Variants in EPM2A observed in about 807,000 individuals in gnomAD.
EPM2A encodes laforin.
EPM2A carries 21 observed loss-of-function variants against 26.5 expected under a neutral mutation model. The ratio of observed to expected loss-of-function variants is 0.79; its 90% confidence interval spans 0.56 to 1.14. The LOEUF is 1.14. EPM2A is among the 50% of genes most tolerant of loss of function. The pLI, the probability that EPM2A is intolerant of heterozygous loss-of-function variation, is 0.00. For synonymous variants in EPM2A, 217 were observed against 177.6 expected (o/e 1.22, Z -1.76); for missense variants, 458 against 440.8 (o/e 1.04, Z -0.35).
chr6:145,396,915 G>T (rs939689314), intron 4 of EPM2A, among the ~76,000 whole-genome samples: 1 of 152,148 alleles, frequency 6.6e-6, no homozygotes, highest in Non-Finnish European at 1.5e-5. Flanking sequence ...CATTTTACCA[G>T]TCAAGTACTG....
chr6:145,571,246 A>C (rs1447363301), intron 2 of EPM2A, among the ~76,000 whole-genome samples: 1 of 152,164 alleles, frequency 6.6e-6, no homozygotes, highest in Non-Finnish European at 1.5e-5. Flanking sequence ...ACTTAGCCCC[A>C]GTCCTGCAAA....
chr6:145,547,998 A>G (rs1210999555), intron 2 of EPM2A, among the ~76,000 whole-genome samples: 1 of 152,112 alleles, frequency 6.6e-6, no homozygotes, highest in Non-Finnish European at 1.5e-5. Context: ...TCCTTTTTCT[A>G]ATAAATGAGA....
intron 2 of EPM2A, among the ~76,000 whole-genome samples, chr6:145,654,319 C>T (rs719030): frequency 0.72 from 109,927 of 151,698 alleles, 40,357 homozygotes; most frequent in African/African-American, 0.82. Context: ...GTAGCTGGGA[C>T]TACAGGCATG....
intron 4 of EPM2A, among the ~76,000 whole-genome samples, chr6:145,488,921 T>C (rs769883479): frequency 4.6e-5 from 7 of 152,158 alleles, no homozygotes; most frequent in African/African-American, 1.2e-4. Flanking sequence ...TAACTCGTGG[T>C]TGTTATTATA....
intron 2 of EPM2A, among the ~76,000 whole-genome samples, chr6:145,657,824 T>C (rs1582984952): frequency 1.3e-5 from 2 of 152,330 alleles, no homozygotes; most frequent in East Asian, 3.9e-4. Flanking sequence ...TTTAAGACAG[T>C]AGAAGATTTA....
chr6:145,693,189 T>C (rs1781380901), intron 1 of EPM2A, among the ~76,000 whole-genome samples: 1 of 152,084 alleles, frequency 6.6e-6, no homozygotes, highest in South Asian at 2.1e-4. Flanking sequence ...TAAATGGGAT[T>C]TCATTCTTGA....
At chr6:145,431,029 C>T (rs1040983039) in intron 4 of EPM2A, among the ~76,000 whole-genome samples, 3 of 152,118 alleles carry the variant, frequency 2.0e-5, no homozygotes, top group South Asian at 4.1e-4. Flanking sequence ...TCTGGTTTCC[C>T]TTGGGCTGAT....
intron 4 of EPM2A, among the ~76,000 whole-genome samples, chr6:145,415,711 T>C (rs1778699245): frequency 1.3e-5 from 2 of 152,222 alleles, no homozygotes; most frequent in Admixed American, 1.3e-4. Context: ...TATCTTATCT[T>C]ATTCTAAAAA....
intron 1 of EPM2A, among the ~76,000 whole-genome samples, chr6:145,700,036 T>C (rs112542126): frequency 1.3e-5 from 2 of 152,256 alleles, no homozygotes; most frequent in East Asian, 1.9e-4. Flanking sequence ...ACCATCAAGA[T>C]TGAATTATTA....
At chr6:145,593,573 A>G (rs1781303096) in intron 2 of EPM2A, among the ~76,000 whole-genome samples, 1 of 152,080 alleles carries the variant, frequency 6.6e-6, no homozygotes, top group African/African-American at 2.4e-5. Flanking sequence ...TAAAAATTAT[A>G]TAAAGTATGT....
intron 4 of EPM2A, among the ~76,000 whole-genome samples, chr6:145,476,291 A>G (rs1779542285): frequency 6.6e-6 from 1 of 152,074 alleles, no homozygotes; most frequent in Non-Finnish European, 1.5e-5. Flanking sequence ...AGGAAATATC[A>G]TTAGAGCTAA....
intron 4 of EPM2A, among the ~76,000 whole-genome samples, chr6:145,494,187 C>T (rs1439907357): frequency 6.6e-6 from 1 of 152,162 alleles, no homozygotes; most frequent in African/African-American, 2.4e-5. Context: ...TACAGGGATT[C>T]AATTTCTTCC....
chr6:145,467,657 T>C (rs888438931), intron 4 of EPM2A, among the ~76,000 whole-genome samples: 1 of 152,184 alleles, frequency 6.6e-6, no homozygotes, highest in African/African-American at 2.4e-5. Flanking sequence ...TTATATGGGA[T>C]TGCATTAAAT....
At chr6:145,655,788 A>G (rs939280975) in intron 2 of EPM2A, among the ~76,000 whole-genome samples, 2 of 152,214 alleles carry the variant, frequency 1.3e-5, no homozygotes, top group Non-Finnish European at 2.9e-5. Flanking sequence ...AAAAGGGAAC[A>G]TAACAGAGCA....
chr6:145,494,406 C>T (rs1176157874), intron 4 of EPM2A, among the ~76,000 whole-genome samples: 1 of 151,844 alleles, frequency 6.6e-6, no homozygotes, highest in African/African-American at 2.4e-5. Context: ...AGTAGTCTAC[C>T]TATTTAATTA....
downstream of EPM2A, among the ~76,000 whole-genome samples, chr6:145,500,394 C>T (rs1317867004): frequency 2.0e-5 from 3 of 152,174 alleles, no homozygotes; most frequent in Non-Finnish European, 4.4e-5. Flanking sequence ...GGAAGTAGTA[C>T]CTTCAGCCTC....
chr6:145,470,875 C>G (rs1779464618), intron 4 of EPM2A, among the ~76,000 whole-genome samples: 1 of 152,138 alleles, frequency 6.6e-6, no homozygotes, highest in Admixed American at 6.6e-5. Flanking sequence ...ACCCCAAACT[C>G]AATGTCTTAA....
intron 2 of EPM2A, among the ~76,000 whole-genome samples, chr6:145,668,403 G>A (rs2128596345): frequency 6.6e-6 from 1 of 152,088 alleles, no homozygotes; most frequent in South Asian, 2.1e-4. Context: ...TCCTTGGAGA[G>A]AAAAAAAGGT....
At chr6:145,482,670 C>T (rs954851159) in intron 4 of EPM2A, among the ~76,000 whole-genome samples, 8 of 151,982 alleles carry the variant, frequency 5.3e-5, no homozygotes, top group Non-Finnish European at 1.0e-4. Context: ...AAAAAAATGG[C>T]AACATTCAGC....
Sources: allele counts gnomAD v4.1 joint callset (sites outside exome capture counted in the v4.1 genomes callset), GRCh38; gene constraint gnomAD v4.1.1; transcripts MANE v1.5; gene names NCBI Gene and HGNC (gene_info 2026-07-23, HGNC 2026-07-21).